DMD: variants seen among roughly 807,000 people sequenced by gnomAD.
The protein encoded by DMD is dystrophin.
A neutral mutation model predicts 330.1 loss-of-function variants in DMD; 63 were observed. The observed-to-expected ratio is 0.19, with a 90% CI of 0.16 to 0.24. The LOEUF (loss-of-function observed/expected upper bound fraction) is 0.24. Among genes scored for constraint, DMD ranks in the 10% least tolerant of loss-of-function variants. The pLI is 1.00. For missense variants in DMD, 3,344 were observed against 2,684.1 expected, an observed-to-expected ratio of 1.25 and a Z score of -5.43; for synonymous variants, 1,223 against 959.8, an observed-to-expected ratio of 1.27 and a Z score of -5.07.
chrX:32,099,973 C>A (rs768875280), intron 44 of DMD, among the ~76,000 whole-genome samples: 1 of 110,299 alleles, frequency 9.1e-6, no homozygotes, highest in South Asian at 3.9e-4. Flanking sequence ...GGCTCACAGA[C>A]AATTTCAGTT....
At chrX:33,115,354 T>C (rs933933958) in intron 1 of DMD, among the ~76,000 whole-genome samples, 2 of 110,866 alleles carry the variant, frequency 1.8e-5, no homozygotes, top group African/African-American at 3.3e-5. Flanking sequence ...TTTTCTACCA[T>C]AGACAAGGGG....
At chrX:32,874,346 G>C (rs2083224772) in intron 2 of DMD, among the ~76,000 whole-genome samples, 1 of 110,988 alleles carries the variant, frequency 9.0e-6, no homozygotes, top group Non-Finnish European at 1.9e-5. Context: ...AAATGTAGAA[G>C]AATGAACGGT....
At chrX:32,892,517 C>T (rs2085311973) in intron 2 of DMD, among the ~76,000 whole-genome samples, 1 of 111,699 alleles carries the variant, frequency 9.0e-6, no homozygotes, top group South Asian at 3.7e-4. Context: ...CCTCGGCCTC[C>T]CAAATAGCTG....
chrX:32,332,889 A>G (rs1415435127), intron 41 of DMD, among the ~76,000 whole-genome samples: 1 of 109,816 alleles, frequency 9.1e-6, no homozygotes, highest in Admixed American at 9.8e-5. Flanking sequence ...ACTGCATTTG[A>G]GGGGAAAAGA....
At chrX:32,587,289 T>C (rs2054400257) in intron 13 of DMD, among the ~76,000 whole-genome samples, 1 of 111,522 alleles carries the variant, frequency 9.0e-6, no homozygotes, top group African/African-American at 3.3e-5. Flanking sequence ...ACATTCCCTT[T>C]GTAACCTGTG....
At chrX:33,184,642 T>C (rs186024522) in intron 1 of DMD, among the ~76,000 whole-genome samples, 110 of 111,051 alleles carry the variant, frequency 9.9e-4, no homozygotes, top group African/African-American at 3.3e-3. Context: ...ATACTTTATT[T>C]CCTATTTTGA....
chrX:32,786,015 C>A (rs1172533017), intron 7 of DMD, among the ~76,000 whole-genome samples: 5 of 109,667 alleles, frequency 4.6e-5, no homozygotes, highest in Non-Finnish European at 7.6e-5. Flanking sequence ...TCATAGTCTG[C>A]TGTTTAACTA....
intron 44 of DMD, among the ~76,000 whole-genome samples, chrX:32,101,188 G>C (rs1293840805): frequency 1.8e-5 from 2 of 111,979 alleles, no homozygotes; most frequent in African/African-American, 6.5e-5. Context: ...CATGTTCTGA[G>C]TTTTCTTCTT....
intron 55 of DMD, among the ~76,000 whole-genome samples, chrX:31,627,286 G>A (rs2078899438): frequency 8.9e-6 from 1 of 112,702 alleles, no homozygotes; most frequent in Non-Finnish European, 1.9e-5. Context: ...AGTTAGCAAC[G>A]CTAAATAAAA....
At chrX:32,501,924 C>G (rs2044097501) in intron 18 of DMD, 82 bp from the exon 19 acceptor site, 1 of 750,552 alleles carries the variant, frequency 1.3e-6, no homozygotes, top group Admixed American at 2.6e-5. Flanking sequence ...CTTGCCCTTT[C>G]AAGCCTTAAG....
At chrX:32,190,397 G>A (rs142161255) in intron 44 of DMD, among the ~76,000 whole-genome samples, 1,150 of 108,006 alleles carry the variant, frequency 0.011, 3 homozygotes, top group Middle Eastern at 0.019. Context: ...TGTGCCTTCC[G>A]CAATAAGTGA....
intron 2 of DMD, among the ~76,000 whole-genome samples, chrX:32,981,490 A>G (rs1229899358): frequency 8.9e-6 from 1 of 111,778 alleles, no homozygotes; most frequent in Non-Finnish European, 1.9e-5. Flanking sequence ...TCTCTCTAGC[A>G]CTGGATTTCC....
chrX:31,942,298 C>T (rs2095017298), intron 45 of DMD, among the ~76,000 whole-genome samples: 1 of 111,760 alleles, frequency 8.9e-6, no homozygotes, highest in African/African-American at 3.3e-5. Context: ...TCCTTCTTAT[C>T]CACTCTTTAC....
intron 12 of DMD, among the ~76,000 whole-genome samples, chrX:32,609,984 T>C (rs1411584044): frequency 2.7e-5 from 3 of 111,069 alleles, no homozygotes; most frequent in Non-Finnish European, 5.7e-5. Flanking sequence ...TATTTTCCTT[T>C]TGAAAAAAAT....
rs368683626 is a variant in DMD, at chrX:32,025,444, G to A, written c.6439-56930C>T. Among the ~76,000 whole-genome samples the A allele has an allele frequency of 2.8e-4, 31 of 111,571 alleles. No individual in the cohort carries two copies. In the East Asian group the frequency reaches 8.5e-3, roughly 31 times the overall value. On this transcript the variant is annotated intron_variant, in intron 44 of 78. Transcript: ENST00000357033. ...TATTACCATTGCTCAGTAGTCATGTGTATCTAGTGGCTGTTGTATTGGACA... is the reference window on the plus strand; with the variant it reads ...TATTACCATTGCTCAGTAGTCATGTATATCTAGTGGCTGTTGTATTGGACA...
At chrX:32,738,184 T>C (rs2068769494) in intron 7 of DMD, among the ~76,000 whole-genome samples, 1 of 111,904 alleles carries the variant, frequency 8.9e-6, no homozygotes, top group African/African-American at 3.2e-5. Context: ...TTTCTAGGCA[T>C]CCAATAATGT....
chrX:32,326,067 C>G (rs1352167957), intron 41 of DMD, among the ~76,000 whole-genome samples: 1 of 111,884 alleles, frequency 8.9e-6, no homozygotes, highest in African/African-American at 3.2e-5. Context: ...CTTTGCTAAG[C>G]TGAAAAGTTT....
At chrX:32,180,310 T>A (rs1364639412) in intron 44 of DMD, among the ~76,000 whole-genome samples, 1 of 111,994 alleles carries the variant, frequency 8.9e-6, no homozygotes, top group Admixed American at 9.5e-5. Flanking sequence ...AGGTTTTTGA[T>A]AGGAGTGGGA....
At chrX:32,087,612 T>A (rs1379279835) in intron 44 of DMD, among the ~76,000 whole-genome samples, 4 of 112,152 alleles carry the variant, frequency 3.6e-5, no homozygotes, top group African/African-American at 1.3e-4. Flanking sequence ...GACCTGGAAT[T>A]CTCCTGATGA....
Sources: allele counts gnomAD v4.1 joint callset (sites outside exome capture counted in the v4.1 genomes callset), GRCh38; gene constraint gnomAD v4.1.1; transcripts MANE v1.5; gene names NCBI Gene and HGNC (gene_info 2026-07-23, HGNC 2026-07-21).